The following ARHGAP23 variants were observed in gnomAD, a reference collection of about 807,000 sequenced individuals.
ARHGAP23 encodes the protein rho GTPase-activating protein 23.
Under a neutral mutation model 136.3 loss-of-function variants are expected in ARHGAP23, and 34 were observed. The observed-to-expected ratio is 0.25, with a 90% CI of 0.19 to 0.33. The LOEUF (loss-of-function observed/expected upper bound fraction) is 0.33. Among genes scored for constraint, ARHGAP23 ranks in the 10% least tolerant of loss-of-function variants. ARHGAP23 has a pLI of 1.00. For synonymous variants in ARHGAP23, 832 were observed against 920.5 expected, an observed-to-expected ratio of 0.90 and a Z score of 1.74; for missense variants, 1,808 against 2,139.0, an observed-to-expected ratio of 0.85 and a Z score of 3.05.
rs1378988773 is a variant in ARHGAP23, at chr17:38,477,158, A to G, written c.2119-421A>G. On this transcript the variant is annotated intron_variant, in intron 11 of 23. Transcript: ENST00000622683. This position sits in a 1 kb window ranked among gnomAD's most constrained non-coding sequence, Gnocchi z 6.6. ...GGTGGGCGGCAGGAAAGTGGGGAGA[A>G]CAACCCTCTAAGAGTGCGGACGGCT... is the stretch of plus-strand genomic sequence containing the variant. Among the ~76,000 whole-genome samples the G allele has an allele frequency of 3.9e-5, 6 of 151,902 alleles. No individual in the cohort carries two copies. Among genetic ancestry groups the G allele is most frequent in the Non-Finnish European group, 5.9e-5 (4 of 67,912 alleles).
Position 38,510,475 on chromosome 17 carries a change from C to T in ARHGAP23, c.3979C>T (p.Arg1327Cys). Reference protein sequence around the residue: ...TLARRRLARGRPDGEGAGRGG... With the variant: ...TLARRRLARGCPDGEGAGRGG... Reference sequence around the variant, plus strand: ...GGCGCGCCGCCGCCTGGCCCGGGGCCGCCCAGACGGCGAGGGCGCGGGCCG... The same window carrying T: ...GGCGCGCCGCCGCCTGGCCCGGGGCTGCCCAGACGGCGAGGGCGCGGGCCG... The change falls in exon 24 of 24, where the codon CGC becomes TGC. Residue 1327 changes from arginine (R) to cysteine (C), a missense_variant. Arg to Cys is a radical substitution (Grantham distance 180, BLOSUM62 -3). Around this residue, in one of 7 missense-constraint regions of ARHGAP23, gnomAD observed 506 missense variants for 455.8 expected, o/e 1.11. Coordinates refer to ENST00000622683, the MANE Select transcript of ARHGAP23 (RefSeq NM_001199417.2). This position sits in a 1 kb window ranked among gnomAD's most constrained non-coding sequence, Gnocchi z 4.6. 1 of 1,195,784 alleles carries T rather than the reference C, an allele frequency of 8.4e-7. No individual in the cohort carries two copies. Among genetic ancestry groups the T allele is most frequent in the South Asian group, 4.2e-5 (1 of 24,086 alleles). 74.1% of individuals were successfully genotyped at this position (1,195,784 alleles called of 1,614,324 possible).
chr17:38,463,494 G>C (rs1030838199), intron 6 of ARHGAP23, 112 bp downstream of exon 6: 4 of 1,295,098 alleles, frequency 3.1e-6, no homozygotes, highest in Admixed American at 2.0e-5. Flanking sequence ...ACATTGCCCA[G>C]TTGGGGATGC....
chr17:38,469,588 C>T lies in ARHGAP23; in HGVS notation c.1869C>T (p.Ser623=). Residue 623 remains serine (S), a synonymous_variant, in exon 9 of 24, where the codon TCC becomes TCT. Coordinates refer to ENST00000622683, the MANE Select transcript of ARHGAP23 (RefSeq NM_001199417.2). ...LLAITTERSK[S]CDDGLNTFRD... ...CCATCACCACGGAGCGCTCCAAGTC[C>T]TGCGATGATGGACTCAACACCTTCC... 1 of 1,548,814 alleles carries T rather than the reference C, an allele frequency of 6.5e-7. No individual in the cohort carries two copies. The highest frequency in any genetic ancestry group is 8.7e-7 in the Non-Finnish European group (1 of 1,146,742).
intron 1 of ARHGAP23, among the ~76,000 whole-genome samples, chr17:38,421,860 C>G (rs1793620031): frequency 6.6e-6 from 1 of 152,334 alleles, no homozygotes; most frequent in South Asian, 2.1e-4. Context: ...AATCCCTTCC[C>G]CTTTGCTTCC....
chr17:38,448,470 A>G lies in ARHGAP23; in HGVS notation c.64-9632A>G, dbSNP rs58299997. ...CCAACAACCTTTGAGGTGGAAATAC[A>G]TGTCATTACCATTTTATTGATGAGG... On this transcript the variant is annotated intron_variant, in intron 1 of 23. Transcript: ENST00000622683. 6.5e-4 allele frequency among the ~76,000 whole-genome samples: 99 copies of G among 152,192 alleles called. 1 individual carries two copies. The highest frequency in any genetic ancestry group is 2.4e-3 in the African/African-American group (98 of 41,522).
intron 1 of ARHGAP23, among the ~76,000 whole-genome samples, chr17:38,447,513 A>C (rs2039063970): frequency 6.6e-6 from 1 of 150,930 alleles, no homozygotes; most frequent in Non-Finnish European, 1.5e-5. Flanking sequence ...CTAGGAGGGC[A>C]AATCCATTCT....
At chr17:38,423,477 T>G (rs2144459597), upstream of ARHGAP23, among the ~76,000 whole-genome samples, 1 of 152,100 alleles carries the variant, frequency 6.6e-6, no homozygotes, top group East Asian at 1.9e-4. Context: ...GTTCAAGCAA[T>G]TCTCCTGCCT....
At chr17:38,490,936 T>C (rs1567820962) in intron 19 of ARHGAP23, among the ~76,000 whole-genome samples, 1 of 152,230 alleles carries the variant, frequency 6.6e-6, no homozygotes, top group Non-Finnish European at 1.5e-5. Context: ...TTGTTTGTTT[T>C]GAGACGAAGT....
intron 1 of ARHGAP23, among the ~76,000 whole-genome samples, chr17:38,446,078 G>A (rs1178335739): frequency 6.7e-6 from 1 of 148,744 alleles, no homozygotes; most frequent in Non-Finnish European, 1.5e-5. Flanking sequence ...GTAGTGGCGC[G>A]ATTTCAGCTC....
At chr17:38,443,494 G>A (rs2038963882) in intron 1 of ARHGAP23, among the ~76,000 whole-genome samples, 1 of 152,194 alleles carries the variant, frequency 6.6e-6, no homozygotes, top group Non-Finnish European at 1.5e-5. Context: ...TCTGACCAGA[G>A]AGCCCAGCCC....
intron 14 of ARHGAP23, 56 bp downstream of exon 14, chr17:38,479,939 G>T: frequency 6.6e-7 from 1 of 1,521,362 alleles, no homozygotes. Flanking sequence ...GCATGGGGAG[G>T]GGAGGGCACG....
At chr17:38,491,022 G>A (rs530701644) in intron 19 of ARHGAP23, among the ~76,000 whole-genome samples, 14 of 152,292 alleles carry the variant, frequency 9.2e-5, no homozygotes, top group Non-Finnish European at 1.6e-4. Flanking sequence ...GGGTTCAAGC[G>A]ATGCTCCTGC....
At chr17:38,473,046 C>T (rs2039799909) in intron 11 of ARHGAP23, among the ~76,000 whole-genome samples, 1 of 152,120 alleles carries the variant, frequency 6.6e-6, no homozygotes, top group Non-Finnish European at 1.5e-5. Context: ...AAGCAATTCT[C>T]CAGCCTCAGC....
At chr17:38,469,054 C>T (rs1039989061) in intron 7 of ARHGAP23, 90 bp from the exon 8 acceptor site, 53 of 1,370,374 alleles carry the variant, frequency 3.9e-5, no homozygotes, top group African/African-American at 8.8e-5. Context: ...AGCCTGGAGG[C>T]GAGTGGCACG....
At chr17:38,424,396 G>A (rs376820833), upstream of ARHGAP23, among the ~76,000 whole-genome samples, 1 of 151,948 alleles carries the variant, frequency 6.6e-6, no homozygotes, top group African/African-American at 2.4e-5. Context: ...GGGCAGATTC[G>A]ACTCCCTCCT....
At chr17:38,499,485 G>A (rs1467552789) in intron 22 of ARHGAP23, among the ~76,000 whole-genome samples, 1 of 152,148 alleles carries the variant, frequency 6.6e-6, no homozygotes, top group East Asian at 1.9e-4. Flanking sequence ...TCCCTTTGTG[G>A]CTGCAGCCAC....
Position 38,510,750 on chromosome 17 carries a change from C to T in ARHGAP23, c.4254C>T (p.Asn1418=). ...VVVQSPLTDL[N]FNEWKELGGG... ...TGCAGAGCCCGCTGACTGACCTCAACTTCAACGAGTGGAAGGAGCTGGGCG... is the reference window on the plus strand; with the variant it reads ...TGCAGAGCCCGCTGACTGACCTCAATTTCAACGAGTGGAAGGAGCTGGGCG... The change falls in exon 24 of 24, where the codon AAC becomes AAT. Residue 1418 remains asparagine (N), a synonymous_variant. Coordinates refer to ENST00000622683, the MANE Select transcript of ARHGAP23 (RefSeq NM_001199417.2). This position sits in a 1 kb window ranked among gnomAD's most constrained non-coding sequence, Gnocchi z 4.6. 6.7e-7 allele frequency: 1 copy of T among 1,486,568 alleles called. No individual in the cohort carries two copies. The highest frequency in any genetic ancestry group is 8.9e-7 in the Non-Finnish European group (1 of 1,121,248). The allele number at this position is 1,486,568 out of a possible 1,614,324, so 92.1% of individuals were successfully genotyped here.
intron 20 of ARHGAP23, among the ~76,000 whole-genome samples, chr17:38,495,177 A>C (rs922085297): frequency 1.3e-5 from 2 of 152,116 alleles, no homozygotes; most frequent in African/African-American, 4.8e-5. Context: ...AACTTGGCTA[A>C]GGTGAACTTG....
chr17:38,493,742 C>G (rs11658074), intron 20 of ARHGAP23, among the ~76,000 whole-genome samples: 37,187 of 152,118 alleles, frequency 0.24, 5,856 homozygotes, highest in African/African-American at 0.44. Flanking sequence ...TCGGAAAGAG[C>G]GTGGCAACTG....
Sources: allele counts gnomAD v4.1 joint callset (sites outside exome capture counted in the v4.1 genomes callset), GRCh38; gene constraint gnomAD v4.1.1; regional missense constraint gnomAD v4.1.1; non-coding constraint Gnocchi (gnomAD v3.1); transcripts MANE v1.5; gene names NCBI Gene and HGNC (gene_info 2026-07-23, HGNC 2026-07-21).